The following C8orf34 variants were observed in gnomAD, a reference collection of about 807,000 sequenced individuals.
The protein encoded by C8orf34 is chromosome 8 open reading frame 34, also known as uncharacterized protein C8orf34.
In C8orf34, 65 loss-of-function variants were observed where a neutral mutation model predicts 68.3. The observed-to-expected ratio is 0.95, with a 90% CI of 0.78 to 1.17. C8orf34 has a LOEUF of 1.17. Among genes scored for constraint, C8orf34 ranks in the 50% most tolerant of loss-of-function variants. The pLI is 0.00. For synonymous variants in C8orf34, 244 were observed against 241.2 expected (o/e 1.01, Z -0.11); for missense variants, 664 against 655.4 (o/e 1.01, Z -0.14).
chr8:68,355,737 C>A (rs146323188), intron 1 of C8orf34, among the ~76,000 whole-genome samples: 1 of 152,066 alleles, frequency 6.6e-6, no homozygotes, highest in Non-Finnish European at 1.5e-5. Context: ...TGTCTGTGTT[C>A]GTCAGTGGGA....
chr8:68,728,723 T>G (rs907450808), intron 10 of C8orf34, among the ~76,000 whole-genome samples: 8 of 152,192 alleles, frequency 5.3e-5, no homozygotes, highest in Non-Finnish European at 1.2e-4. Context: ...ACCACCCCCT[T>G]GATCCCTTCA....
intron 7 of C8orf34, among the ~76,000 whole-genome samples, chr8:68,580,905 C>T (rs1474899081): frequency 5.3e-5 from 8 of 152,010 alleles, no homozygotes; most frequent in Admixed American, 4.6e-4. Flanking sequence ...CTAGAACATG[C>T]CTGGAACCCA....
At chr8:68,461,282 G>T (rs1811810399) in intron 3 of C8orf34, among the ~76,000 whole-genome samples, 1 of 152,178 alleles carries the variant, frequency 6.6e-6, no homozygotes, top group Non-Finnish European at 1.5e-5. Context: ...CAGGAAATAT[G>T]GGACTATGTG....
chr8:68,468,566 C>G, intron 3 of C8orf34, 126 bp from the exon 4 acceptor site: 1 of 869,214 alleles, frequency 1.2e-6, no homozygotes, highest in Non-Finnish European at 1.6e-6. Context: ...ACAAGCAAAC[C>G]ATCTTCAAGA....
chr8:68,793,931 A>T (rs977928878), intron 12 of C8orf34, among the ~76,000 whole-genome samples: 7 of 152,192 alleles, frequency 4.6e-5, no homozygotes, highest in South Asian at 4.1e-4. Context: ...TATTGGTATA[A>T]ATAAGTCTAA....
At chr8:68,410,413 T>C (rs1464275522) in intron 1 of C8orf34, among the ~76,000 whole-genome samples, 1 of 152,202 alleles carries the variant, frequency 6.6e-6, no homozygotes, top group Admixed American at 6.5e-5. Context: ...ATTTACATTG[T>C]ATTAGCCATT....
intron 1 of C8orf34, among the ~76,000 whole-genome samples, chr8:68,437,432 A>G (rs1277299830): frequency 6.6e-6 from 1 of 152,176 alleles, no homozygotes; most frequent in Non-Finnish European, 1.5e-5. Context: ...TTCTGTGACA[A>G]TAGCAATCCA....
At chr8:68,633,468 C>A (rs1818750306) in intron 7 of C8orf34, among the ~76,000 whole-genome samples, 1 of 152,180 alleles carries the variant, frequency 6.6e-6, no homozygotes, top group Admixed American at 6.5e-5. Flanking sequence ...CTAGACAGTT[C>A]AATTTCAAAG....
intron 10 of C8orf34, among the ~76,000 whole-genome samples, chr8:68,746,967 T>C (rs1320470277): frequency 2.7e-5 from 4 of 150,418 alleles, no homozygotes; most frequent in African/African-American, 7.3e-5. Flanking sequence ...TTGATGAACA[T>C]TGATGCAAAA....
At chr8:68,795,540 G>A (rs573673856) in intron 12 of C8orf34, among the ~76,000 whole-genome samples, 1 of 152,276 alleles carries the variant, frequency 6.6e-6, no homozygotes, top group Admixed American at 6.5e-5. Context: ...CTTCTGTGAA[G>A]TAATGCAGGT....
intron 8 of C8orf34, among the ~76,000 whole-genome samples, chr8:68,705,165 C>T (rs1396270438): frequency 6.6e-6 from 1 of 152,160 alleles, no homozygotes; most frequent in Non-Finnish European, 1.5e-5. Flanking sequence ...GCTTATCTTG[C>T]ATACAAGTAA....
Position 68,816,138 on chromosome 8 carries a change from C to CTCTCTG in C8orf34, c.1609+194_1609+195insCTCTGT, listed in dbSNP as rs1554617710. Reference sequence around the variant, plus strand: ...TGTGTGTGTGTGTGTGTGTGTTTCTCTGTGTGTGTGTGTGTGTGTGTGCAT... The same window carrying CTCTCTG: ...TGTGTGTGTGTGTGTGTGTGTTTCTCTCTCTGTGTGTGTGTGTGTGTGTGTGTGCAT... On this transcript the variant is annotated intron_variant, in intron 13 of 13. Coordinates refer to ENST00000518698, the MANE Select transcript of C8orf34 (RefSeq NM_052958.4). Among the ~76,000 whole-genome samples the CTCTCTG allele has an allele frequency of 4.2e-4, 61 of 146,756 alleles. 1 individual carries two copies. The highest frequency in any genetic ancestry group is 1.4e-3 in the African/African-American group (57 of 39,708).
chr8:68,609,103 G>A (rs1355267556), intron 7 of C8orf34, among the ~76,000 whole-genome samples: 3 of 152,158 alleles, frequency 2.0e-5, no homozygotes, highest in East Asian at 1.9e-4. Context: ...GAGCCCAGGA[G>A]TTTGAGGTTG....
rs145962008 is a variant in C8orf34, at chr8:68,501,747, G to A, written c.765+13696G>A. Among the ~76,000 whole-genome samples the A allele has an allele frequency of 1.8e-3, 274 of 152,186 alleles. 2 individuals carry two copies. The highest frequency in any genetic ancestry group is 6.1e-3 in the African/African-American group (254 of 41,526). On this transcript the variant is annotated intron_variant, in intron 5 of 13. Coordinates refer to ENST00000518698, the MANE Select transcript of C8orf34 (RefSeq NM_052958.4). Reference sequence around the variant, plus strand: ...ATGGAGCTTTGTGAGTATCTGTCCCGTGATCAATCCAGACAATGCCAGTCC... The same window carrying A: ...ATGGAGCTTTGTGAGTATCTGTCCCATGATCAATCCAGACAATGCCAGTCC...
intron 10 of C8orf34, among the ~76,000 whole-genome samples, chr8:68,772,888 C>T (rs547100491): frequency 2.1e-5 from 3 of 139,958 alleles, no homozygotes; most frequent in Non-Finnish European, 4.6e-5. Flanking sequence ...TCCTTCCTTC[C>T]TTCTTTCTTT....
Position 68,640,252 on chromosome 8 carries a change from T to C in C8orf34, c.1106-124T>C, listed in dbSNP as rs1018871954. On this transcript the variant is annotated intron_variant, in intron 7 of 13. Coordinates refer to ENST00000518698, the MANE Select transcript of C8orf34 (RefSeq NM_052958.4). ...AATAATTGATATATGTAGTTAGATT[T>C]TTGCAAAGGGGATATATATTGTTTT... 1.9e-5 allele frequency: 15 copies of C among 799,132 alleles called. No individual in the cohort carries two copies. In the African/African-American group the frequency reaches 2.4e-4, roughly 13 times the overall value. 49.5% of individuals were successfully genotyped at this position (799,132 alleles called of 1,614,324 possible).
intron 6 of C8orf34, chr8:68,530,751 G>A (rs909821970): frequency 1.3e-5 from 5 of 383,978 alleles, no homozygotes; most frequent in Admixed American, 1.2e-4. Context: ...GAATGATATC[G>A]AGGGTTAGTC....
intron 11 of C8orf34, among the ~76,000 whole-genome samples, chr8:68,779,004 C>T (rs1173788073): frequency 6.6e-6 from 1 of 151,814 alleles, no homozygotes; most frequent in Non-Finnish European, 1.5e-5. Context: ...TAGTGAGACC[C>T]TGTCTCTACA....
intron 7 of C8orf34, among the ~76,000 whole-genome samples, chr8:68,592,371 A>G (rs1817416103): frequency 6.6e-6 from 1 of 151,978 alleles, no homozygotes; most frequent in African/African-American, 2.4e-5. Flanking sequence ...CATTAGGTTA[A>G]TTCCTGGATA....
Sources: allele counts gnomAD v4.1 joint callset (sites outside exome capture counted in the v4.1 genomes callset), GRCh38; gene constraint gnomAD v4.1.1; transcripts MANE v1.5; gene names NCBI Gene and HGNC (gene_info 2026-07-23, HGNC 2026-07-21).